Variants in NID2 observed in about 807,000 individuals in gnomAD.
NID2 encodes nidogen-2.
NID2 carries 83 observed loss-of-function variants against 145.4 expected under a neutral mutation model. The observed-to-expected ratio is 0.57, with a 90% CI of 0.48 to 0.69. The LOEUF (loss-of-function observed/expected upper bound fraction) is 0.69. NID2 is among the 30% of genes least tolerant of loss of function. The pLI, the probability that NID2 is intolerant of heterozygous loss-of-function variation, is 0.00. For synonymous variants in NID2, 739 were observed against 701.3 expected (o/e 1.05, Z -0.85); for missense variants, 1,807 against 1,765.7 (o/e 1.02, Z -0.42).
intron 19 of NID2, 34 bp from the exon 20 acceptor site, chr14:52,006,694 A>C: frequency 1.2e-6 from 2 of 1,610,848 alleles, no homozygotes; most frequent in Non-Finnish European, 1.7e-6. Context: ...GAGGTCCTTC[A>C]GCTGCTTTGC....
intron 3 of NID2, among the ~76,000 whole-genome samples, chr14:52,055,458 C>T (rs1209411036): frequency 1.3e-5 from 2 of 152,110 alleles, no homozygotes; most frequent in East Asian, 3.8e-4. Flanking sequence ...TGTTTTTGCA[C>T]TGAAAAAGTT....
At chr14:52,032,691 T>A (rs10133632) in intron 9 of NID2, among the ~76,000 whole-genome samples, 4,588 of 152,194 alleles carry the variant, frequency 0.03, 243 homozygotes, top group African/African-American at 0.1. Context: ...TACTAATGCT[T>A]AGCCTTCTTA....
chr14:52,058,444 C>T lies in NID2; in HGVS notation c.767+1680G>A, dbSNP rs143673525. Among the ~76,000 whole-genome samples, 40 of 152,242 alleles carry T rather than the reference C, an allele frequency of 2.6e-4. 1 individual carries two copies. The highest frequency in any genetic ancestry group is 8.7e-4 in the African/African-American group (36 of 41,550). On this transcript the variant is annotated intron_variant, in intron 3 of 21. Coordinates refer to ENST00000216286, the MANE Select transcript of NID2 (RefSeq NM_007361.4). ...GCATGGATTACAATAAAGAAAAATA[C>T]GTGAGTCATTTGGCCCCATATCTTA...
chr14:52,038,932 G>A lies in NID2; in HGVS notation c.2072C>T (p.Ala691Val), dbSNP rs1311847823. ...SSRDYSLTFGAINQTWSYRIH... is the reference protein window; with the variant it reads ...SSRDYSLTFGVINQTWSYRIH... ...GCGGTAGGACCATGTTTGGTTGATT[G>A]CACCAAAAGTCAGAGAGTAGTCTCT... The change falls in exon 9 of 22, where the codon GCA becomes GTA. Residue 691 changes from alanine (A) to valine (V), a missense_variant. By Grantham distance (64) the Ala-to-Val change is moderately conservative. Transcript: ENST00000216286. The A allele has an allele frequency of 1.2e-6, 2 of 1,613,978 alleles. No homozygotes were observed. Among genetic ancestry groups the A allele is most frequent in the Non-Finnish European group, 1.7e-6 (2 of 1,179,970 alleles).
chr14:52,064,318 A>G (rs945820379), intron 2 of NID2, among the ~76,000 whole-genome samples: 2 of 152,236 alleles, frequency 1.3e-5, no homozygotes, highest in African/African-American at 4.8e-5. Flanking sequence ...TTTACTTCTT[A>G]CAATTATGGA....
chr14:52,014,760 T>C (rs983474395), intron 15 of NID2, among the ~76,000 whole-genome samples: 2 of 151,936 alleles, frequency 1.3e-5, no homozygotes, highest in Non-Finnish European at 2.9e-5. Flanking sequence ...AGCTTCCTTT[T>C]AGGACTCCAG....
At chr14:52,015,403 C>G in intron 14 of NID2, 128 bp from the exon 15 acceptor site, 1 of 831,106 alleles carries the variant, frequency 1.2e-6, no homozygotes, top group East Asian at 2.7e-5. Flanking sequence ...AGGTCTCAGC[C>G]AAGCCCGTGG....
chr14:52,051,872 C>G (rs1892692776), intron 5 of NID2, among the ~76,000 whole-genome samples: 1 of 152,148 alleles, frequency 6.6e-6, no homozygotes, highest in African/African-American at 2.4e-5. Flanking sequence ...GTTCATGCCC[C>G]ACAAGGGTTA....
intron 3 of NID2, among the ~76,000 whole-genome samples, chr14:52,058,691 G>A (rs1198166759): frequency 2.0e-5 from 3 of 151,856 alleles, no homozygotes; most frequent in South Asian, 2.1e-4. Context: ...CTGTGTAGAT[G>A]CCAGCACTTA....
chr14:52,053,619 A>G lies in NID2; in HGVS notation c.1389T>C (p.Tyr463=), dbSNP rs777324214. The change falls in exon 5 of 22, where the codon TAT becomes TAC. Residue 463 remains tyrosine, a synonymous_variant. Coordinates refer to ENST00000216286, the MANE Select transcript of NID2 (RefSeq NM_007361.4). The part of the protein sequence containing the change: ...GHTTPLSRGT[Y]EVGLEDNIGS... ...CTATGTTGTCTTCCAGTCCCACCTC[A>G]TACGTCCCTCGACTTAAGGGTGTAG... 10 of 1,614,226 alleles carry G rather than the reference A, an allele frequency of 6.2e-6. No homozygotes were observed. In the South Asian group the frequency reaches 9.9e-5, roughly 16 times the overall value.
chr14:52,019,176 G>A lies in NID2; in HGVS notation c.2913C>T (p.Pro971=). The A allele has an allele frequency of 6.2e-7, 1 of 1,614,122 alleles. No individual in the cohort carries two copies. The highest frequency in any genetic ancestry group is 1.7e-5 in the Admixed American group (1 of 60,024). The change falls in exon 14 of 22, where the codon CCC becomes CCT. Residue 971 remains proline, a synonymous_variant. Transcript: ENST00000216286. ...AACCAGTGCTGCCATGACACTGTAGGGGCAGGAAGTTGCCCTGCTCGTCGC... is the reference window on the plus strand; with the variant it reads ...AACCAGTGCTGCCATGACACTGTAGAGGCAGGAAGTTGCCCTGCTCGTCGC... ...PQCDEQGNFL[P]LQCHGSTGFC...
In NID2 at chr14:52,053,769, C is replaced by G. The variant is rs140959853; in HGVS notation, c.1239G>C (p.Pro413=). The G allele has an allele frequency of 1.2e-6, 2 of 1,614,080 alleles. No homozygotes were observed. Among genetic ancestry groups the G allele is most frequent in the East Asian group, 2.2e-5 (1 of 44,898 alleles). The stretch of plus-strand genomic sequence containing the variant: ...GCTGGATGCTTCCGTTTTCGGGGTA[C>G]GGTGGTGGGGTTTCCCAGGAAGGAG... The part of the protein sequence containing the change: ...SLAPSWETPP[P]YPENGSIQPY... Residue 413 remains proline, a synonymous_variant, in exon 5 of 22, where the codon CCG becomes CCC. Coordinates refer to ENST00000216286, the MANE Select transcript of NID2 (RefSeq NM_007361.4).
intron 3 of NID2, among the ~76,000 whole-genome samples, chr14:52,056,248 A>T (rs1005585517): frequency 6.6e-6 from 1 of 152,222 alleles, no homozygotes; most frequent in Non-Finnish European, 1.5e-5. Flanking sequence ...CAGTGGAAAA[A>T]TACAGATTAT....
At chr14:52,043,793 C>T (rs375451108) in intron 5 of NID2, among the ~76,000 whole-genome samples, 1 of 147,306 alleles carries the variant, frequency 6.8e-6, no homozygotes, top group Non-Finnish European at 1.5e-5. Flanking sequence ...TAGGGTGTGG[C>T]GGGGGTTGTG....
chr14:52,028,582 G>T, intron 11 of NID2, 140 bp downstream of exon 11: 1 of 986,078 alleles, frequency 1.0e-6, no homozygotes, highest in South Asian at 1.9e-5. Flanking sequence ...CCAGCTTTGG[G>T]TTATTTTGAT....
At chr14:52,014,683 T>TC (rs1250212398) in intron 15 of NID2, among the ~76,000 whole-genome samples, 3 of 150,198 alleles carry the variant, frequency 2.0e-5, no homozygotes, top group African/African-American at 7.4e-5. Context: ...GCAAAACACT[T>TC]CCCTCAGAAC....
intron 14 of NID2, among the ~76,000 whole-genome samples, chr14:52,017,035 G>A (rs1891234491): frequency 6.6e-6 from 1 of 152,198 alleles, no homozygotes; most frequent in African/African-American, 2.4e-5. Context: ...GACTTCTTCA[G>A]CCAAATGTGT....
rs143343078 is a variant in NID2 at position 52,066,252 on chromosome 14, A to ACAG, written c.534+1603_534+1605dup. ...GAGTCCTTATGCAACATAGAGAGTAACAGGATGGTTACCAGAGGCTGGGAA... is the reference window on the plus strand; with the variant it reads ...GAGTCCTTATGCAACATAGAGAGTAACAGCAGGATGGTTACCAGAGGCTGGGAA... On this transcript the variant is annotated intron_variant, in intron 2 of 21. Coordinates refer to ENST00000216286, the MANE Select transcript of NID2 (RefSeq NM_007361.4). Among the ~76,000 whole-genome samples the ACAG allele has an allele frequency of 8.7e-3, 1,318 of 152,104 alleles. 25 individuals carry two copies. Among genetic ancestry groups the ACAG allele is most frequent in the African/African-American group, 0.03 (1,247 of 41,428 alleles).
At position 52,042,862 on chromosome 14, in the gene NID2, A is replaced by C; in HGVS notation, c.1499T>G (p.Phe500Cys). The change falls in exon 6 of 22, where the codon TTC (phenylalanine) becomes TGC (cysteine). Residue 500 changes from phenylalanine (F) to cysteine (C), a missense_variant. Coordinates refer to ENST00000216286, the MANE Select transcript of NID2 (RefSeq NM_007361.4). ...HNHRQCSRHA[F>C]CTDYATGFCC... ...GAAGCCAGTGGCATAGTCCGTGCAG[A>C]AGGCATGCCGGGAGCATTGTCTGTG... 1 of 1,614,220 alleles carries C rather than the reference A, an allele frequency of 6.2e-7. No individual in the cohort carries two copies. Among genetic ancestry groups the C allele is most frequent in the Non-Finnish European group, 8.5e-7 (1 of 1,180,036 alleles).
Sources: gnomAD v4.1 joint callset for allele counts (sites outside exome capture counted in the v4.1 genomes callset) on GRCh38, gnomAD v4.1.1 for gene constraint, MANE v1.5 for transcripts, NCBI Gene and HGNC (gene_info 2026-07-23, HGNC 2026-07-21) for gene names.